MYO9A: variants seen among roughly 807,000 people sequenced by gnomAD.
MYO9A encodes unconventional myosin-IXa.
A neutral mutation model predicts 293.3 loss-of-function variants in MYO9A; 103 were observed. The ratio of observed to expected loss-of-function variants is 0.35; its 90% CI spans 0.30 to 0.41. The LOEUF (loss-of-function observed/expected upper bound fraction) is 0.41. Among genes scored for constraint, MYO9A ranks in the 10% least tolerant of loss-of-function variants. The probability of loss-of-function intolerance (pLI) is 1.00; values close to 1 mark genes in which losing one functional copy is unlikely to be tolerated. For synonymous variants in MYO9A, 1,001 were observed against 1,035.7 expected (o/e 0.97, Z 0.64); for missense variants, 2,685 against 3,033.0 (o/e 0.89, Z 2.69).
intron 18 of MYO9A, among the ~76,000 whole-genome samples, chr15:71,921,716 A>G (rs2058159659): frequency 6.6e-6 from 1 of 152,232 alleles, no homozygotes; most frequent in Admixed American, 6.5e-5. Context: ...ATAAGTAAAA[A>G]GGTCAAAAAG....
At chr15:72,110,272 C>T (rs922278444) in intron 1 of MYO9A, among the ~76,000 whole-genome samples, 5 of 151,732 alleles carry the variant, frequency 3.3e-5, no homozygotes, top group Non-Finnish European at 5.9e-5. Flanking sequence ...CCCATCTCTA[C>T]TAAAAATACA....
At chr15:71,925,752 A>G (rs1254308851) in intron 18 of MYO9A, among the ~76,000 whole-genome samples, 1 of 152,192 alleles carries the variant, frequency 6.6e-6, no homozygotes, top group African/African-American at 2.4e-5. Flanking sequence ...AATTGTAGCT[A>G]TAGACATCAC....
intron 38 of MYO9A, 88 bp downstream of exon 38, chr15:71,849,948 C>A (rs917897260): frequency 1.3e-6 from 2 of 1,501,668 alleles, no homozygotes; most frequent in African/African-American, 1.4e-5. Context: ...AATTTATGAA[C>A]CCATTCACTA....
In MYO9A at chr15:71,875,849, G is replaced by A. The variant is rs1339631173; in HGVS notation, c.5932-11C>T. On this transcript the variant is annotated splice_polypyrimidine_tract_variant and intron_variant, in intron 31 of 41. Coordinates refer to ENST00000356056, the MANE Select transcript of MYO9A (RefSeq NM_006901.4). ...TTCTGTTTTTGGCACCTGACAGGGG[G>A]ACAGGAGATATATGGAAATTGTGAT... 3.7e-6 allele frequency: 5 copies of A among 1,352,822 alleles called. No homozygotes were observed. The South Asian group carries it at 1.0e-4, about 27-fold the overall frequency. The allele number at this position is 1,352,822 out of a possible 1,614,324, so 83.8% of individuals were successfully genotyped here. A position where few individuals can be genotyped will look rare whatever the true frequency, so the allele number is the denominator to read the frequency against.
At chr15:72,017,893 GTTCT>G (rs1299758895) in intron 6 of MYO9A, among the ~76,000 whole-genome samples, 1 of 151,988 alleles carries the variant, frequency 6.6e-6, no homozygotes, top group Non-Finnish European at 1.5e-5. Flanking sequence ...AAATTTTTGT[GTTCT>G]TTATGGTTAC....
intron 18 of MYO9A, among the ~76,000 whole-genome samples, chr15:71,928,139 G>A (rs35804249): frequency 0.21 from 23,509 of 111,940 alleles, 2,811 homozygotes; most frequent in East Asian, 0.45. Flanking sequence ...CTGCAGTGGC[G>A]CAATCTCGGC....
chr15:71,877,786 T>C (rs1320362007), intron 31 of MYO9A, among the ~76,000 whole-genome samples: 3 of 152,172 alleles, frequency 2.0e-5, no homozygotes, highest in Non-Finnish European at 4.4e-5. Context: ...GAGTATAATC[T>C]TGAGGGCAGA....
intron 1 of MYO9A, among the ~76,000 whole-genome samples, chr15:72,047,350 T>A (rs1298695871): frequency 6.6e-6 from 1 of 152,236 alleles, no homozygotes; most frequent in African/African-American, 2.4e-5. Context: ...CCCTTTTTCC[T>A]TCAATGCTAC....
At chr15:71,875,043 A>G (rs1479799838) in intron 32 of MYO9A, among the ~76,000 whole-genome samples, 1 of 152,052 alleles carries the variant, frequency 6.6e-6, no homozygotes, top group Non-Finnish European at 1.5e-5. Context: ...TACTGCCTCC[A>G]CTTGTAGATT....
At chr15:72,084,242 T>C (rs1027446336) in intron 1 of MYO9A, among the ~76,000 whole-genome samples, 1 of 152,248 alleles carries the variant, frequency 6.6e-6, no homozygotes, top group African/African-American at 2.4e-5. Context: ...TACCATCATG[T>C]AATGCCCTTC....
Position 71,978,205 on chromosome 15 carries a change from T to A in MYO9A, c.1810A>T (p.Thr604Ser). ...CCINLISKKP[T>S]GLLHLLDEES... ...TCATCCAAAAGATGAAGCAGTCCTG[T>A]TGGTTTTTTGCTAATAAGATTTATG... Residue 604 changes from threonine to serine, a missense_variant, in exon 12 of 42, where the codon ACA becomes TCA. Physicochemically the swap from Thr to Ser is moderately conservative, Grantham distance 58. This residue lies in a region of MYO9A where 201 missense variants were observed against 245.2 expected (regional missense o/e 0.82). Coordinates refer to ENST00000356056, the MANE Select transcript of MYO9A (RefSeq NM_006901.4). 1 of 1,613,300 alleles carries A rather than the reference T, an allele frequency of 6.2e-7. No homozygotes were observed. The highest frequency in any genetic ancestry group is 8.5e-7 in the Non-Finnish European group (1 of 1,179,718).
At chr15:71,935,261 T>G in intron 17 of MYO9A, 80 bp downstream of exon 17, 1 of 1,394,956 alleles carries the variant, frequency 7.2e-7, no homozygotes, top group Non-Finnish European at 9.7e-7. Flanking sequence ...TCTTCCTTCT[T>G]CATTTTTTTC....
intron 1 of MYO9A, among the ~76,000 whole-genome samples, chr15:72,073,441 T>C (rs191610175): frequency 3.3e-5 from 5 of 152,334 alleles, no homozygotes; most frequent in Admixed American, 3.3e-4. Flanking sequence ...CTTTGTTCCA[T>C]AGAGTCAACA....
chr15:72,046,597 T>C lies in MYO9A; in HGVS notation c.-34A>G, dbSNP rs916631214. The C allele has an allele frequency of 2.7e-6, 4 of 1,495,218 alleles. No homozygotes were observed. Among genetic ancestry groups the C allele is most frequent in the Admixed American group, 2.3e-5 (1 of 43,840 alleles). The allele number at this position is 1,495,218 out of a possible 1,614,324, so 92.6% of individuals were successfully genotyped here. ...CTGTCCCATCAGCATGGATAGTATATGTTCAAAGTCGTGCAAACCATTTTC... is the reference window on the plus strand; with the variant it reads ...CTGTCCCATCAGCATGGATAGTATACGTTCAAAGTCGTGCAAACCATTTTC... On this transcript the variant is annotated 5_prime_UTR_variant, in exon 2 of 42. Coordinates refer to ENST00000356056, the MANE Select transcript of MYO9A (RefSeq NM_006901.4).
At chr15:71,945,006 A>T (rs1172846400) in intron 15 of MYO9A, among the ~76,000 whole-genome samples, 2 of 152,194 alleles carry the variant, frequency 1.3e-5, no homozygotes, top group Non-Finnish European at 2.9e-5. Flanking sequence ...CACAACTCTT[A>T]AACATATTTG....
intron 2 of MYO9A, among the ~76,000 whole-genome samples, chr15:72,033,253 T>C (rs1424386371): frequency 1.3e-5 from 2 of 152,202 alleles, no homozygotes; most frequent in South Asian, 2.1e-4. Context: ...ATTTATACTT[T>C]TACTTTTTAA....
chr15:72,118,318 A>G (rs1214003247), upstream of MYO9A: 22 of 222,124 alleles, frequency 9.9e-5, 1 homozygote, highest in East Asian at 2.1e-3. Context: ...ACGGCAGAGC[A>G]GGGAACTCAG....
chr15:71,964,727 C>T (rs1185302315), intron 13 of MYO9A, among the ~76,000 whole-genome samples: 2 of 151,848 alleles, frequency 1.3e-5, no homozygotes, highest in African/African-American at 2.4e-5. Flanking sequence ...GCAGAGGTTG[C>T]AGTGAGCCGA....
intron 1 of MYO9A, among the ~76,000 whole-genome samples, chr15:72,090,713 T>C (rs1387038272): frequency 2.6e-5 from 4 of 152,182 alleles, no homozygotes; most frequent in African/African-American, 9.7e-5. Context: ...AGTCACACAG[T>C]GAGGGGTTCA....
Sources: allele counts gnomAD v4.1 joint callset (sites outside exome capture counted in the v4.1 genomes callset), GRCh38; gene constraint gnomAD v4.1.1; regional missense constraint gnomAD v4.1.1; transcripts MANE v1.5; gene names NCBI Gene and HGNC (gene_info 2026-07-23, HGNC 2026-07-21).